The following XRCC5 variants were observed in gnomAD, a reference collection of about 807,000 sequenced individuals.
The protein encoded by XRCC5 is DNA repair protein Ku80.
A neutral mutation model predicts 95.7 loss-of-function variants in XRCC5; 12 were observed. The ratio of observed to expected loss-of-function variants is 0.13; its 90% CI spans 0.08 to 0.20. XRCC5 has a LOEUF of 0.20. Ranked by LOEUF, XRCC5 falls within the 10% of genes least tolerant of loss-of-function variation. The probability of loss-of-function intolerance (pLI) is 1.00; values close to 1 mark genes in which losing one functional copy is unlikely to be tolerated. For missense variants in XRCC5, 595 were observed against 873.9 expected (o/e 0.68, Z 4.02); for synonymous variants, 281 against 290.3 (o/e 0.97, Z 0.33).
At chr2:216,116,550 A>G (rs1574450669) in intron 2 of XRCC5, 109 bp from the exon 3 acceptor site, 3 of 1,214,782 alleles carry the variant, frequency 2.5e-6, no homozygotes, top group Admixed American at 1.9e-5. Flanking sequence ...ATATGGCCCC[A>G]GGGACCTGCC....
chr2:216,157,326 C>T (rs1389866584), intron 14 of XRCC5, among the ~76,000 whole-genome samples: 1 of 151,946 alleles, frequency 6.6e-6, no homozygotes, highest in African/African-American at 2.4e-5. Flanking sequence ...CTCTGCCTCC[C>T]GGGTTCACGC....
At chr2:216,123,511 C>T (rs558276211) in intron 6 of XRCC5, among the ~76,000 whole-genome samples, 1 of 152,098 alleles carries the variant, frequency 6.6e-6, no homozygotes, top group East Asian at 1.9e-4. Context: ...CATGATATCA[C>T]AAAGAAAAAT....
chr2:216,149,346 C>A (rs1344390538), intron 14 of XRCC5, among the ~76,000 whole-genome samples: 1 of 152,116 alleles, frequency 6.6e-6, no homozygotes, highest in Admixed American at 6.5e-5. Flanking sequence ...GCCCGCCCCC[C>A]ATAAGACCAT....
At chr2:216,114,883 T>G (rs776070711) in intron 2 of XRCC5, among the ~76,000 whole-genome samples, 1 of 152,184 alleles carries the variant, frequency 6.6e-6, no homozygotes, top group African/African-American at 2.4e-5. Flanking sequence ...GTAACCACAC[T>G]ACGCATGCGG....
intron 3 of XRCC5, 47 bp downstream of exon 3, chr2:216,116,889 T>C (rs1293733945): frequency 1.3e-5 from 21 of 1,595,988 alleles, no homozygotes; most frequent in South Asian, 4.5e-5. Flanking sequence ...TCCTTTATTC[T>C]GGGAATCGTA....
rs77422433 is a variant in XRCC5 at position 216,134,292 on chromosome 2, A to T, written c.1113+1905A>T. On this transcript the variant is annotated intron_variant, in intron 10 of 20. Transcript: ENST00000392132. ...TGAGAATCTATACTTTCATGTGCTGATTTGCACTGTGTGTAGAAAACAAGG... is the reference window on the plus strand; with the variant it reads ...TGAGAATCTATACTTTCATGTGCTGTTTTGCACTGTGTGTAGAAAACAAGG... Among the ~76,000 whole-genome samples the T allele has an allele frequency of 6.0e-3, 921 of 152,256 alleles. 10 individuals are homozygous for T. Among genetic ancestry groups the T allele is most frequent in the African/African-American group, 0.021 (869 of 41,536 alleles).
intron 16 of XRCC5, among the ~76,000 whole-genome samples, chr2:216,167,246 C>A (rs1241725873): frequency 6.6e-6 from 1 of 152,058 alleles, no homozygotes; most frequent in Non-Finnish European, 1.5e-5. Context: ...ACGTCTCATC[C>A]TAGAGTCTTT....
chr2:216,135,831 G>A (rs575456261), intron 10 of XRCC5, among the ~76,000 whole-genome samples: 17 of 151,952 alleles, frequency 1.1e-4, no homozygotes, highest in African/African-American at 3.4e-4. Context: ...AGAATGGTGC[G>A]GTGGCATTAT....
intron 16 of XRCC5, among the ~76,000 whole-genome samples, chr2:216,189,285 A>C (rs972742053): frequency 6.6e-6 from 1 of 152,256 alleles, no homozygotes; most frequent in Non-Finnish European, 1.5e-5. Context: ...AACATTCAGC[A>C]TAAATTGCCA....
chr2:216,128,507 C>G (rs752618997), intron 8 of XRCC5, among the ~76,000 whole-genome samples: 2 of 152,126 alleles, frequency 1.3e-5, no homozygotes, highest in Non-Finnish European at 2.9e-5. Flanking sequence ...AATTAATACC[C>G]TACAATTTCT....
At chr2:216,172,447 C>G (rs950697068) in intron 16 of XRCC5, among the ~76,000 whole-genome samples, 5 of 139,134 alleles carry the variant, frequency 3.6e-5, no homozygotes, top group Admixed American at 2.1e-4. Context: ...TCCATGGAAA[C>G]TTTAGCATCA....
At position 216,125,967 on chromosome 2, in the gene XRCC5, T is replaced by C; in HGVS notation, c.734T>C (p.Ile245Thr). 1 of 1,613,936 alleles carries C rather than the reference T, an allele frequency of 6.2e-7. No homozygotes were observed. The highest frequency in any genetic ancestry group is 8.5e-7 in the Non-Finnish European group (1 of 1,179,904). The change falls in exon 7 of 21, where the codon ATT becomes ACT. Residue 245 changes from isoleucine (I) to threonine (T), a missense_variant. Around this residue, in one of 2 missense-constraint regions of XRCC5, gnomAD observed 286 missense variants for 491.1 expected, o/e 0.58. Coordinates refer to ENST00000392132, the MANE Select transcript of XRCC5 (RefSeq NM_021141.4). ...TTCAAGAAAATTGAGAGGCATTCCA[T>C]TCACTGGCCCTGCCGACTGACCATT... ...CVFKKIERHSIHWPCRLTIGS... is the reference protein window; with the variant it reads ...CVFKKIERHSTHWPCRLTIGS...
chr2:216,110,099 A>G (rs1696560119), intron 1 of XRCC5, among the ~76,000 whole-genome samples: 1 of 152,202 alleles, frequency 6.6e-6, no homozygotes, highest in Non-Finnish European at 1.5e-5. Context: ...AAACCGAGGA[A>G]TAAAGAACTG....
intron 14 of XRCC5, among the ~76,000 whole-genome samples, chr2:216,157,400 A>C (rs189120000): frequency 2.2e-4 from 33 of 151,926 alleles, no homozygotes; most frequent in Admixed American, 2.0e-3. Flanking sequence ...TGCCCGGCTA[A>C]TGTTTTGTAC....
At chr2:216,173,394 C>G (rs968090682) in intron 16 of XRCC5, among the ~76,000 whole-genome samples, 1 of 152,078 alleles carries the variant, frequency 6.6e-6, no homozygotes, top group Non-Finnish European at 1.5e-5. Flanking sequence ...AAGTTTCCTT[C>G]TATTTCTAAT....
intron 14 of XRCC5, chr2:216,156,523 C>T: frequency 1.6e-6 from 1 of 611,592 alleles, no homozygotes; most frequent in Admixed American, 1.9e-5. Flanking sequence ...AGACTTCCTC[C>T]ATCACTTCAA....
At chr2:216,126,188 G>T (rs1039189397) in intron 7 of XRCC5, among the ~76,000 whole-genome samples, 157 bp downstream of exon 7, 1 of 152,202 alleles carries the variant, frequency 6.6e-6, no homozygotes, top group African/African-American at 2.4e-5. Flanking sequence ...AGCTTTTTGT[G>T]TAAAAGGCAG....
At chr2:216,197,932 A>G (rs1457896267) in intron 19 of XRCC5, among the ~76,000 whole-genome samples, 1 of 152,220 alleles carries the variant, frequency 6.6e-6, no homozygotes, top group East Asian at 1.9e-4. Context: ...TGTCTACAAC[A>G]CTATATACAT....
intron 16 of XRCC5, among the ~76,000 whole-genome samples, chr2:216,187,466 C>CTGTGTGTGTGTGTGTGTG (rs140171958): frequency 9.0e-6 from 1 of 111,276 alleles, no homozygotes; most frequent in South Asian, 3.6e-4. Context: ...AAGATAGCAA[C>CTGTGTGTGTGTGTGTGTG]TGTGTGTGTG....
Sources: gnomAD v4.1 joint callset for allele counts (sites outside exome capture counted in the v4.1 genomes callset) on GRCh38, gnomAD v4.1.1 for gene constraint, gnomAD v4.1.1 regional missense constraint, MANE v1.5 for transcripts, NCBI Gene and HGNC (gene_info 2026-07-23, HGNC 2026-07-21) for gene names.